The following CSRP2 variants were observed in gnomAD, a reference collection of about 807,000 sequenced individuals.
CSRP2 encodes cysteine and glycine-rich protein 2.
CSRP2 carries 18 observed loss-of-function variants against 24.6 expected under a neutral mutation model. The observed-to-expected ratio is 0.73, with a 90% CI of 0.51 to 1.09. The LOEUF (loss-of-function observed/expected upper bound fraction) is 1.09. Among genes scored for constraint, CSRP2 ranks in the 50% least tolerant of loss-of-function variants. The pLI is 0.00. For synonymous variants in CSRP2, 87 were observed against 84.3 expected (o/e 1.03, Z -0.18); for missense variants, 215 against 239.4 (o/e 0.90, Z 0.67).
intron 1 of CSRP2, among the ~76,000 whole-genome samples, chr12:76,875,266 C>T (rs756981154): frequency 8.5e-5 from 13 of 152,236 alleles, no homozygotes; most frequent in Non-Finnish European, 1.5e-4. Context: ...CTCTGCTAAC[C>T]TAAATCTAAC....
chr12:76,869,578 A>ACACACACACACACACC (rs1420575005), intron 1 of CSRP2, among the ~76,000 whole-genome samples: 16 of 138,900 alleles, frequency 1.2e-4, no homozygotes, highest in African/African-American at 3.8e-4. Context: ...ACACACACAC[A>ACACACACACACACACC]CCCCTGACTG....
At chr12:76,871,673 A>T (rs1220974077) in intron 1 of CSRP2, among the ~76,000 whole-genome samples, 1 of 151,498 alleles carries the variant, frequency 6.6e-6, no homozygotes, top group Non-Finnish European at 1.5e-5. Flanking sequence ...CTGAGGCAGG[A>T]GAATGGCGTG....
chr12:76,876,328 C>T (rs1336615758), intron 1 of CSRP2, among the ~76,000 whole-genome samples: 1 of 152,162 alleles, frequency 6.6e-6, no homozygotes, highest in African/African-American at 2.4e-5. Context: ...ATTAGTTCTT[C>T]CTCTGTGACT....
chr12:76,865,815 G>A (rs892856220), intron 2 of CSRP2: 2 of 223,396 alleles, frequency 9.0e-6, no homozygotes, highest in Non-Finnish European at 1.7e-5. Flanking sequence ...TGGGAGCTAA[G>A]CCCTTGTAAT....
At chr12:76,860,258 G>GT in intron 4 of CSRP2, 26 bp downstream of exon 4, 1 of 1,608,696 alleles carries the variant, frequency 6.2e-7, no homozygotes, top group Non-Finnish European at 8.5e-7. Context: ...GTCATTTGCT[G>GT]TTATTAATTC....
intron 3 of CSRP2, chr12:76,862,957 A>G (rs1565821737): frequency 2.0e-6 from 3 of 1,488,410 alleles, no homozygotes; most frequent in Non-Finnish European, 2.7e-6. Context: ...ACAGCTTGGA[A>G]TGCTATAAAG....
intron 1 of CSRP2, among the ~76,000 whole-genome samples, chr12:76,872,933 C>T (rs1225937737): frequency 1.3e-5 from 2 of 152,168 alleles, no homozygotes; most frequent in Non-Finnish European, 2.9e-5. Flanking sequence ...TCATCAGAGC[C>T]GTATGATAAT....
At chr12:76,872,712 T>C (rs1307301176) in intron 1 of CSRP2, among the ~76,000 whole-genome samples, 2 of 152,240 alleles carry the variant, frequency 1.3e-5, no homozygotes, top group Non-Finnish European at 2.9e-5. Flanking sequence ...TCTTTGCATA[T>C]ATACCAGGCT....
chr12:76,867,119 G>A (rs4315131), intron 1 of CSRP2, among the ~76,000 whole-genome samples: 92,799 of 151,872 alleles, frequency 0.61, 28,433 homozygotes, highest in East Asian at 0.67. Flanking sequence ...AGATCCTAGG[G>A]TGTCTCACTG....
At chr12:76,860,598 T>C in intron 3 of CSRP2, 185 bp from the exon 4 acceptor site, 1 of 592,158 alleles carries the variant, frequency 1.7e-6, no homozygotes, top group Non-Finnish European at 2.9e-6. Context: ...GAGTTACTAC[T>C]TGAACCTATC....
intron 1 of CSRP2, among the ~76,000 whole-genome samples, chr12:76,872,357 T>G (rs1264923291): frequency 4.6e-5 from 7 of 152,202 alleles, no homozygotes; most frequent in Admixed American, 2.6e-4. Context: ...TAGGAGTTAT[T>G]ACGAAATTAT....
At chr12:76,877,758 C>T (rs12321527) in intron 1 of CSRP2, among the ~76,000 whole-genome samples, 17,938 of 152,200 alleles carry the variant, frequency 0.12, 1,200 homozygotes, top group African/African-American at 0.15. Flanking sequence ...AGTTCTGAAA[C>T]TATGTTAGAT....
chr12:76,859,065 T>G, intron 5 of CSRP2, 37 bp from the exon 6 acceptor site: 1 of 1,583,032 alleles, frequency 6.3e-7, no homozygotes, highest in Non-Finnish European at 8.7e-7. Context: ...TTAGTGCAAG[T>G]CCATTAAGCT....
intron 2 of CSRP2, chr12:76,865,808 G>A (rs1054211964): frequency 4.8e-6 from 1 of 210,298 alleles, no homozygotes; most frequent in Admixed American, 5.9e-5. Context: ...TCAAAAATGG[G>A]AGCTAAGCCC....
intron 3 of CSRP2, 47 bp downstream of exon 3, chr12:76,863,129 A>G (rs1238722236): frequency 6.4e-7 from 1 of 1,567,734 alleles, no homozygotes; most frequent in Admixed American, 1.8e-5. Flanking sequence ...AGCGGCACTA[A>G]CTGTCGCAAC....
At chr12:76,860,517 C>T (rs532509477) in intron 3 of CSRP2, 104 bp from the exon 4 acceptor site, 3 of 1,380,980 alleles carry the variant, frequency 2.2e-6, no homozygotes, top group East Asian at 4.7e-5. Context: ...GCTACACTGC[C>T]TCAAAGCTGG....
At chr12:76,859,251 G>A (rs1165875307) in intron 5 of CSRP2, among the ~76,000 whole-genome samples, 1 of 152,224 alleles carries the variant, frequency 6.6e-6, no homozygotes, top group Non-Finnish European at 1.5e-5. Context: ...TGAGTTGCAA[G>A]CATGAGTCAG....
At chr12:76,868,963 A>G (rs71460181) in intron 1 of CSRP2, among the ~76,000 whole-genome samples, 1 of 151,364 alleles carries the variant, frequency 6.6e-6, no homozygotes, top group African/African-American at 2.4e-5. Flanking sequence ...AAAGAAAAGC[A>G]CTGGTTTTAG....
Position 76,863,164 on chromosome 12 carries a change from C to T in CSRP2, c.281+12G>A, listed in dbSNP as rs755761710. ...CTCATTTCTGAAGGTAACCAACGGT[C>T]TCCCAACTCACCTCTCTGGTTTGAT... is the stretch of plus-strand genomic sequence containing the variant. On this transcript the variant is annotated intron_variant, in intron 3 of 5. Transcript: ENST00000311083. The T allele has an allele frequency of 1.9e-6, 3 of 1,604,702 alleles. No homozygotes were observed. In the South Asian group the frequency reaches 3.3e-5, roughly 18 times the overall value.
Sources: gnomAD v4.1 joint callset for allele counts (sites outside exome capture counted in the v4.1 genomes callset) on GRCh38, gnomAD v4.1.1 for gene constraint, MANE v1.5 for transcripts, NCBI Gene and HGNC (gene_info 2026-07-23, HGNC 2026-07-21) for gene names.